The following PDE4B variants were observed in gnomAD, a reference collection of about 807,000 sequenced individuals.
The protein encoded by PDE4B is 3',5'-cyclic-AMP phosphodiesterase 4B.
A neutral mutation model predicts 82.2 loss-of-function variants in PDE4B; 20 were observed. The observed-to-expected ratio is 0.24, with a 90% CI of 0.17 to 0.35. The LOEUF is 0.35. PDE4B is among the 10% of genes least tolerant of loss of function. The pLI, the probability that PDE4B is intolerant of heterozygous loss-of-function variation, is 1.00. For missense variants in PDE4B, 655 were observed against 907.2 expected (o/e 0.72, Z 3.57); for synonymous variants, 320 against 318.9 (o/e 1.00, Z -0.04).
At chr1:66,254,873 T>C (rs187452531) in intron 4 of PDE4B, among the ~76,000 whole-genome samples, 42 of 152,260 alleles carry the variant, frequency 2.8e-4, no homozygotes, top group African/African-American at 9.9e-4. Flanking sequence ...TTTCTAACTA[T>C]TCTTTCCAGG....
rs547703128 is a variant in PDE4B at position 66,170,836 on chromosome 1, T to C, written c.282-76624T>C. On this transcript the variant is annotated intron_variant, in intron 3 of 16. Coordinates refer to ENST00000341517, the MANE Select transcript of PDE4B (RefSeq NM_002600.4). ...AACCAAGCAATAATTTGTGTAGTTT[T>C]TAAACTGATTTACCCTTTTGTAATA... Among the ~76,000 whole-genome samples the C allele has an allele frequency of 3.9e-5, 6 of 152,330 alleles. No homozygotes were observed. The East Asian group carries it at 1.2e-3, about 29-fold the overall frequency.
intron 3 of PDE4B, among the ~76,000 whole-genome samples, chr1:65,962,787 C>A (rs550590321): frequency 6.6e-6 from 1 of 152,228 alleles, no homozygotes; most frequent in South Asian, 2.1e-4. Context: ...TGTCCTAGAT[C>A]CCAGAGATCT....
At chr1:65,873,919 TG>T (rs1646605405) in intron 1 of PDE4B, among the ~76,000 whole-genome samples, 1 of 151,964 alleles carries the variant, frequency 6.6e-6, no homozygotes, top group Admixed American at 6.6e-5. Flanking sequence ...TGGTTCCATA[TG>T]AACTTTAAAG....
chr1:66,186,784 G>T (rs1237451566), intron 3 of PDE4B, among the ~76,000 whole-genome samples: 3 of 152,150 alleles, frequency 2.0e-5, no homozygotes, highest in Admixed American at 6.6e-5. Context: ...TGCAAACAGG[G>T]ACAATTTGAC....
intron 2 of PDE4B, among the ~76,000 whole-genome samples, chr1:65,917,445 G>A (rs1178048550): frequency 1.3e-5 from 2 of 152,178 alleles, no homozygotes; most frequent in African/African-American, 4.8e-5. Flanking sequence ...TGCTAGCTAA[G>A]TGTGAACAGT....
intron 3 of PDE4B, among the ~76,000 whole-genome samples, chr1:66,031,677 G>A (rs1452885782): frequency 3.3e-5 from 5 of 152,112 alleles, no homozygotes; most frequent in African/African-American, 1.2e-4. Context: ...AGTTCTTGAT[G>A]AACCCCATAT....
intron 7 of PDE4B, among the ~76,000 whole-genome samples, chr1:66,319,297 C>G (rs962809161): frequency 2.6e-5 from 4 of 152,228 alleles, no homozygotes; most frequent in African/African-American, 9.6e-5. Flanking sequence ...ACAGCAAACA[C>G]ATTTGCTTCT....
chr1:66,037,523 C>T (rs768810947), intron 3 of PDE4B, among the ~76,000 whole-genome samples: 14 of 151,958 alleles, frequency 9.2e-5, no homozygotes, highest in Non-Finnish European at 1.9e-4. Flanking sequence ...TTGGTGGAGT[C>T]ATTACGATTT....
chr1:66,278,433 T>C (rs1656049252), intron 7 of PDE4B, among the ~76,000 whole-genome samples: 1 of 152,204 alleles, frequency 6.6e-6, no homozygotes, highest in Non-Finnish European at 1.5e-5. Context: ...ACTGGGCTCA[T>C]GAAAGAGCTT....
At chr1:66,171,578 C>T (rs1295256585) in intron 3 of PDE4B, among the ~76,000 whole-genome samples, 1 of 152,136 alleles carries the variant, frequency 6.6e-6, no homozygotes, top group Non-Finnish European at 1.5e-5. Context: ...CAGTGGACCT[C>T]TGGAACAGCC....
intron 1 of PDE4B, among the ~76,000 whole-genome samples, chr1:65,804,972 TG>T (rs1217337584): frequency 1.6e-5 from 1 of 60,810 alleles, no homozygotes; most frequent in African/African-American, 6.6e-5. Context: ...GGGGGGTGGG[TG>T]GGGGGTGGGA....
intron 3 of PDE4B, among the ~76,000 whole-genome samples, chr1:66,012,593 C>T (rs1249277854): frequency 1.3e-5 from 2 of 152,092 alleles, no homozygotes; most frequent in South Asian, 4.1e-4. Context: ...GGAGTAACCA[C>T]ATTGTGAGCC....
At chr1:66,082,057 T>C (rs1217867047) in intron 3 of PDE4B, among the ~76,000 whole-genome samples, 1 of 152,088 alleles carries the variant, frequency 6.6e-6, no homozygotes, top group African/African-American at 2.4e-5. Context: ...GAAGGGCATA[T>C]GCAGAAAGAA....
At chr1:66,022,490 T>G (rs1653186858) in intron 3 of PDE4B, among the ~76,000 whole-genome samples, 1 of 152,232 alleles carries the variant, frequency 6.6e-6, no homozygotes, top group Non-Finnish European at 1.5e-5. Context: ...CATCAGTACC[T>G]AATTTATTTG....
intron 1 of PDE4B, among the ~76,000 whole-genome samples, chr1:65,890,388 T>C (rs1646840226): frequency 6.6e-6 from 1 of 152,026 alleles, no homozygotes; most frequent in Non-Finnish European, 1.5e-5. Flanking sequence ...ACTGGGGAAT[T>C]CTGGAGATTA....
chr1:66,049,878 C>T (rs1304635329), intron 3 of PDE4B, among the ~76,000 whole-genome samples: 1 of 151,916 alleles, frequency 6.6e-6, no homozygotes, highest in Non-Finnish European at 1.5e-5. Flanking sequence ...TCCCGGGTTA[C>T]CTTTTGCTTT....
At chr1:66,134,610 T>C (rs1301564600) in intron 3 of PDE4B, among the ~76,000 whole-genome samples, 1 of 152,218 alleles carries the variant, frequency 6.6e-6, no homozygotes, top group Admixed American at 6.5e-5. Flanking sequence ...ATTCATTTGG[T>C]GGTCTTTAAC....
chr1:66,123,179 C>G (rs1023062339), intron 3 of PDE4B, among the ~76,000 whole-genome samples: 4 of 151,956 alleles, frequency 2.6e-5, no homozygotes. Flanking sequence ...ATTTTGATTC[C>G]TTTTTTTGAA....
intron 3 of PDE4B, among the ~76,000 whole-genome samples, chr1:65,928,052 G>T (rs542784044): frequency 6.6e-6 from 1 of 152,196 alleles, no homozygotes; most frequent in Admixed American, 6.5e-5. Flanking sequence ...GTGTCCACTA[G>T]TTCCTTAAAT....
Sources: gnomAD v4.1 joint callset for allele counts (sites outside exome capture counted in the v4.1 genomes callset) on GRCh38, gnomAD v4.1.1 for gene constraint, MANE v1.5 for transcripts, NCBI Gene and HGNC (gene_info 2026-07-23, HGNC 2026-07-21) for gene names.